The following RASA3 variants were observed in gnomAD, a reference collection of about 807,000 sequenced individuals.
RASA3 encodes ras GTPase-activating protein 3.
RASA3 carries 73 observed loss-of-function variants against 110.0 expected under a neutral mutation model. That is an observed-to-expected ratio of 0.66 (90% confidence interval 0.55 to 0.81). The LOEUF (loss-of-function observed/expected upper bound fraction) is 0.81, where lower values mean the gene tolerates loss of function less well. Ranked by LOEUF, RASA3 falls within the 30% of genes least tolerant of loss-of-function variation. RASA3 has a pLI of 0.00. For synonymous variants in RASA3, 500 were observed against 451.4 expected, an observed-to-expected ratio of 1.11 and a Z score of -1.37; for missense variants, 976 against 1,113.2, an observed-to-expected ratio of 0.88 and a Z score of 1.75.
At chr13:114,028,004 C>T in intron 5 of RASA3, 77 bp from the exon 6 acceptor site, 3 of 1,277,542 alleles carry the variant, frequency 2.3e-6, no homozygotes, top group South Asian at 2.6e-5. Context: ...CTGGGTCAGG[C>T]AGGAGGCCTG....
At chr13:114,055,801 C>CTG (rs1342490736) in intron 2 of RASA3, among the ~76,000 whole-genome samples, 41 of 151,326 alleles carry the variant, frequency 2.7e-4, no homozygotes, top group Admixed American at 6.6e-4. Flanking sequence ...TCCAGAGTGG[C>CTG]AGGTGCCCAG....
chr13:114,131,390 T>C (rs1267351666), intron 1 of RASA3, among the ~76,000 whole-genome samples: 1 of 152,022 alleles, frequency 6.6e-6, no homozygotes, highest in Admixed American at 6.6e-5. Context: ...ACTCATGGCA[T>C]GAATATGGAA....
chr13:114,082,132 G>T (rs973881242), intron 1 of RASA3, among the ~76,000 whole-genome samples: 1 of 152,236 alleles, frequency 6.6e-6, no homozygotes, highest in Non-Finnish European at 1.5e-5. Context: ...ATTACTTACT[G>T]CTGAGAACTG....
At chr13:114,123,910 T>C (rs1420647602) in intron 1 of RASA3, among the ~76,000 whole-genome samples, 1 of 152,234 alleles carries the variant, frequency 6.6e-6, no homozygotes, top group East Asian at 1.9e-4. Flanking sequence ...CAGATGATTC[T>C]TTACAGGTTG....
chr13:114,106,518 T>A (rs1387028373), intron 1 of RASA3, among the ~76,000 whole-genome samples: 2 of 152,234 alleles, frequency 1.3e-5, no homozygotes, highest in African/African-American at 4.8e-5. Flanking sequence ...TTTTTCCTAA[T>A]GAAGTTTAAA....
chr13:114,073,736 C>T lies in RASA3; in HGVS notation c.157G>A (p.Val53Met). 1 of 1,613,964 alleles carries T rather than the reference C, an allele frequency of 6.2e-7. No homozygotes were observed. Among genetic ancestry groups the T allele is most frequent in the Non-Finnish European group, 8.5e-7 (1 of 1,179,836 alleles). ...AGACATTACCAGAGTGACTTTTCCA[C>T]AATTTTGGTCCTGAAAACCTCCTCC... ...DQEEVFRTKIVEKSLCPFYGE... is the reference protein window; with the variant it reads ...DQEEVFRTKIMEKSLCPFYGE... Residue 53 changes from valine (V) to methionine (M), a missense_variant, in exon 2 of 24, where the codon GTG (valine) becomes ATG (methionine). By Grantham distance (21) the Val-to-Met change is conservative. This residue lies in a region of RASA3 where 732 missense variants were observed against 779.7 expected (regional missense o/e 0.94). Transcript: ENST00000334062.
chr13:114,132,360 C>G lies in RASA3; in HGVS notation c.55+75G>C, dbSNP rs2080533476. On this transcript the variant is annotated intron_variant, in intron 1 of 23. Transcript: ENST00000334062. ...CGCCGGGGTCCCCAGCAAGGATCTG[C>G]GGAGGGGAGGCGGGCGCGGGAGAGG... 3 of 1,381,628 alleles carry G rather than the reference C, an allele frequency of 2.2e-6. No homozygotes were observed. In the African/African-American group the frequency reaches 4.5e-5, roughly 21 times the overall value. The allele number at this position is 1,381,628 out of a possible 1,614,324, so 85.6% of individuals were successfully genotyped here. A position where few individuals can be genotyped will look rare whatever the true frequency, so the allele number is the denominator to read the frequency against.
intron 20 of RASA3, 28 bp from the exon 21 acceptor site, chr13:113,996,767 C>G: frequency 6.3e-7 from 1 of 1,595,906 alleles, no homozygotes; most frequent in Non-Finnish European, 8.6e-7. Context: ...CTCAGGACAG[C>G]GCACATGAGG....
Position 114,126,899 on chromosome 13 carries a change from G to A in RASA3, c.55+5536C>T, listed in dbSNP as rs1265797109. On this transcript the variant is annotated intron_variant, in intron 1 of 23. Transcript: ENST00000334062. ...AAACGTGGCCAGCACGCAGTCTCGGGTGTCTGATTCCAAGTGGGTTCGCTA... is the reference window on the plus strand; with the variant it reads ...AAACGTGGCCAGCACGCAGTCTCGGATGTCTGATTCCAAGTGGGTTCGCTA... 3.3e-5 allele frequency among the ~76,000 whole-genome samples: 5 copies of A among 151,918 alleles called. No individual in the cohort carries two copies. In the East Asian group the frequency reaches 7.7e-4, roughly 23 times the overall value.
intron 1 of RASA3, among the ~76,000 whole-genome samples, chr13:114,100,105 G>A (rs1020096399): frequency 6.6e-6 from 1 of 150,914 alleles, no homozygotes; most frequent in Non-Finnish European, 1.5e-5. Flanking sequence ...AGACCACACT[G>A]CCACACCTGA....
chr13:114,057,088 C>G lies in RASA3; in HGVS notation c.174-4933G>C, dbSNP rs570270052. On this transcript the variant is annotated intron_variant, in intron 2 of 23. Transcript: ENST00000334062. This position sits in a 1 kb window ranked among gnomAD's most constrained non-coding sequence, Gnocchi z 5.0. ...ACATTTGCAGCTGAGAACCCTGGAG[C>G]CAGAACAGGCTCCAGCACAGGCGAT... The G allele has an allele frequency of 1.6e-6, 1 of 614,362 alleles. No homozygotes were observed. Among genetic ancestry groups the G allele is most frequent in the East Asian group, 1.4e-4 (1 of 7,050 alleles). The allele number at this position is 614,362 out of a possible 1,614,324, so 38.1% of individuals were successfully genotyped here.
intron 4 of RASA3, among the ~76,000 whole-genome samples, chr13:114,040,199 A>G (rs1455252600): frequency 2.0e-5 from 3 of 152,350 alleles, no homozygotes; most frequent in African/African-American, 7.2e-5. Flanking sequence ...CACTCCGAGC[A>G]CAAGTGGGCG....
intron 4 of RASA3, among the ~76,000 whole-genome samples, chr13:114,039,214 C>T (rs1309140604): frequency 2.0e-5 from 3 of 152,176 alleles, no homozygotes; most frequent in Non-Finnish European, 4.4e-5. Context: ...TGTGCTGCAA[C>T]CCCATACTCA....
chr13:114,007,414 ACCCTTCTCCCCTCC>A, intron 18 of RASA3, 105 bp downstream of exon 18: 1 of 321,308 alleles, frequency 3.1e-6, no homozygotes, highest in Non-Finnish European at 5.2e-6. Context: ...ACGCCACCTT[ACCCTTCTCCCCTCC>A]TGCCCTGCCG....
intron 1 of RASA3, among the ~76,000 whole-genome samples, chr13:114,092,246 G>A (rs1197244837): frequency 6.6e-6 from 1 of 152,040 alleles, no homozygotes. Context: ...TCCTTGTGGT[G>A]CATCACTAGG....
intron 9 of RASA3, among the ~76,000 whole-genome samples, chr13:114,021,070 T>C (rs939972693): frequency 6.6e-6 from 1 of 151,602 alleles, no homozygotes; most frequent in Admixed American, 6.6e-5. Context: ...CGGCTCAGGG[T>C]CCCACTTTCA....
In RASA3 at chr13:114,013,196, G is replaced by T. The variant is rs145723334; in HGVS notation, c.1458C>A (p.Phe486Leu). ...TGGGGGAGAGAATGGCGGGCGCAAA[G>T]AACCTCAGGAAGATGAAGCTGCTCA... ...TAVSSFIFLRFFAPAILSPNL... is the reference protein window; with the variant it reads ...TAVSSFIFLRLFAPAILSPNL... Residue 486 changes from phenylalanine (F) to leucine (L), a missense_variant, in exon 15 of 24, where the codon TTC (phenylalanine) becomes TTA (leucine). Physicochemically the swap from Phe to Leu is conservative, Grantham distance 22. Around this residue, in one of 4 missense-constraint regions of RASA3, gnomAD observed 732 missense variants for 779.7 expected, o/e 0.94. Transcript: ENST00000334062. 23 of 1,613,404 alleles carry T rather than the reference G, an allele frequency of 1.4e-5. No homozygotes were observed. The East Asian group carries it at 5.1e-4, about 36-fold the overall frequency.
At chr13:114,073,479 T>C (rs9525383) in intron 2 of RASA3, among the ~76,000 whole-genome samples, 16 of 31,584 alleles carry the variant, frequency 5.1e-4, no homozygotes, top group African/African-American at 2.5e-3. Flanking sequence ...TGTACATGCT[T>C]GGGACACTGT....
At chr13:114,019,889 T>G (rs376429664) in intron 9 of RASA3, among the ~76,000 whole-genome samples, 17 of 32,292 alleles carry the variant, frequency 5.3e-4, no homozygotes, top group African/African-American at 3.1e-3. Context: ...GTGGAGCCTG[T>G]GTCCGAGGCA....
Sources: allele counts gnomAD v4.1 joint callset (sites outside exome capture counted in the v4.1 genomes callset), GRCh38; gene constraint gnomAD v4.1.1; regional missense constraint gnomAD v4.1.1; non-coding constraint Gnocchi (gnomAD v3.1); transcripts MANE v1.5; gene names NCBI Gene and HGNC (gene_info 2026-07-23, HGNC 2026-07-21).